The following TMEM272 variants were observed in gnomAD, a reference collection of about 807,000 sequenced individuals.
TMEM272 encodes long intergenic non-protein coding RNA 282.
In TMEM272, 8 loss-of-function variants were observed where a neutral mutation model predicts 3.7. The ratio of observed to expected loss-of-function variants is 2.17; its 90% CI spans 1.27 to 3.91. TMEM272 has a LOEUF of 3.91. TMEM272 is among the 30% of genes most tolerant of loss of function. The probability of loss-of-function intolerance (pLI) is 0.00; values close to 1 mark genes in which losing one functional copy is unlikely to be tolerated. For missense variants in TMEM272, 166 were observed against 91.5 expected (o/e 1.81, Z -3.32); for synonymous variants, 63 against 39.8 (o/e 1.58, Z -2.20).
chr13:51,879,211 T>G, the TMEM272 span, among the ~76,000 whole-genome samples: 74 of 152,278 alleles, frequency 4.9e-4, no homozygotes, highest in African/African-American at 1.7e-3. Flanking sequence ...CTTGCAGAGA[T>G]AGCGAGGTGA....
the TMEM272 span, among the ~76,000 whole-genome samples, chr13:51,902,163 T>C: frequency 6.6e-6 from 1 of 152,146 alleles, no homozygotes; most frequent in African/African-American, 2.4e-5. Context: ...TAAATATAGG[T>C]GGATTCTCAG....
chr13:51,898,295 G>A, the TMEM272 span, among the ~76,000 whole-genome samples: 2 of 151,914 alleles, frequency 1.3e-5, no homozygotes, highest in South Asian at 4.2e-4. Context: ...TCATAAACAT[G>A]CAGAAATACA....
At chr13:51,871,038 C>T in the TMEM272 span, among the ~76,000 whole-genome samples, 1 of 152,028 alleles carries the variant, frequency 6.6e-6, no homozygotes, top group East Asian at 1.9e-4. Context: ...CCCCAACTCC[C>T]GCCTGGCCCC....
At chr13:51,908,558 A>C in the TMEM272 span, 5 of 1,496,474 alleles carry the variant, frequency 3.3e-6, no homozygotes, top group Non-Finnish European at 4.7e-6. Context: ...GTGGAGGAAC[A>C]AAGCCAGGGC....
chr13:51,915,821 T>C, the TMEM272 span, among the ~76,000 whole-genome samples: 3 of 152,162 alleles, frequency 2.0e-5, no homozygotes, highest in Non-Finnish European at 2.9e-5. Flanking sequence ...TGCCTGTAAA[T>C]CCCAACACTT....
the TMEM272 span, among the ~76,000 whole-genome samples, chr13:51,857,284 A>G: frequency 1.6e-4 from 24 of 152,062 alleles, no homozygotes; most frequent in Non-Finnish European, 3.2e-4. Context: ...ACAAATAAAC[A>G]GTGAGAGATT....
At chr13:51,912,229 G>C in the TMEM272 span, among the ~76,000 whole-genome samples, 1 of 152,206 alleles carries the variant, frequency 6.6e-6, no homozygotes, top group Non-Finnish European at 1.5e-5. Context: ...CGAGCACAGT[G>C]TGTGCAGCAG....
the TMEM272 span, among the ~76,000 whole-genome samples, chr13:51,888,197 C>T: frequency 6.6e-5 from 10 of 150,896 alleles, no homozygotes; most frequent in Non-Finnish European, 1.0e-4. Context: ...AGGCACCCAC[C>T]ACCACACCTA....
At chr13:51,867,268 A>C in the TMEM272 span, among the ~76,000 whole-genome samples, 1 of 152,196 alleles carries the variant, frequency 6.6e-6, no homozygotes, top group African/African-American at 2.4e-5. Flanking sequence ...TGTACAGATG[A>C]GGAAACAGAG....
At chr13:51,896,981 G>A in the TMEM272 span, among the ~76,000 whole-genome samples, 1 of 152,212 alleles carries the variant, frequency 6.6e-6, no homozygotes, top group Non-Finnish European at 1.5e-5. Context: ...TACACCGTCA[G>A]AAGACACAAG....
At chr13:51,931,145 A>G in the TMEM272 span, among the ~76,000 whole-genome samples, 5 of 152,230 alleles carry the variant, frequency 3.3e-5, no homozygotes, top group Admixed American at 1.3e-4. Context: ...TCATTCTACT[A>G]TAAAGACACA....
chr13:51,900,335 T>C, the TMEM272 span, among the ~76,000 whole-genome samples: 3 of 152,150 alleles, frequency 2.0e-5, no homozygotes, highest in East Asian at 1.9e-4. Flanking sequence ...ATGAGTTAAA[T>C]AGACATTTCT....
chr13:51,846,121 G>A (rs1203510279), upstream of TMEM272, among the ~76,000 whole-genome samples: 3 of 152,142 alleles, frequency 2.0e-5, no homozygotes, highest in Non-Finnish European at 4.4e-5. Flanking sequence ...GCACCTCTCC[G>A]GGCTCACTCT....
chr13:51,890,979 T>A, the TMEM272 span, among the ~76,000 whole-genome samples: 1 of 152,232 alleles, frequency 6.6e-6, no homozygotes. Context: ...TGTACACAAG[T>A]CTGTTTGGGT....
the TMEM272 span, among the ~76,000 whole-genome samples, chr13:51,868,851 C>T: frequency 6.6e-6 from 1 of 152,190 alleles, no homozygotes; most frequent in Non-Finnish European, 1.5e-5. Context: ...GATTCAGAGG[C>T]GCCAGAAACA....
the TMEM272 span, among the ~76,000 whole-genome samples, chr13:51,903,609 C>A: frequency 6.6e-6 from 1 of 152,156 alleles, no homozygotes; most frequent in Non-Finnish European, 1.5e-5. Context: ...GTGCAGGAGA[C>A]CCTGAGCATC....
the TMEM272 span, among the ~76,000 whole-genome samples, chr13:51,903,435 G>A: frequency 0.017 from 2,560 of 152,256 alleles, 59 homozygotes; most frequent in African/African-American, 0.059. Flanking sequence ...GCACACCAAC[G>A]AGGTCAGGGA....
the TMEM272 span, among the ~76,000 whole-genome samples, chr13:51,866,704 G>A: frequency 2.6e-5 from 4 of 152,186 alleles, no homozygotes; most frequent in Non-Finnish European, 5.9e-5. Context: ...TGAGAATGGG[G>A]CCTTGGCGTG....
the TMEM272 span, among the ~76,000 whole-genome samples, chr13:51,874,727 G>A: frequency 2.6e-5 from 4 of 152,106 alleles, no homozygotes; most frequent in Non-Finnish European, 5.9e-5. Flanking sequence ...TCCCTCTCAC[G>A]GTTGCAGGTG....
Sources: allele counts gnomAD v4.1 joint callset (sites outside exome capture counted in the v4.1 genomes callset), GRCh38; gene constraint gnomAD v4.1.1; transcripts MANE v1.5; gene names NCBI Gene and HGNC (gene_info 2026-07-23, HGNC 2026-07-21).